Variants in LGR5 observed in about 807,000 individuals in gnomAD.
The protein encoded by LGR5 is leucine rich repeat containing G protein-coupled receptor 5.
Under a neutral mutation model 76.7 loss-of-function variants are expected in LGR5, and 54 were observed. The ratio of observed to expected loss-of-function variants is 0.70; its 90% CI spans 0.57 to 0.88. The LOEUF is 0.88. LGR5 is among the 40% of genes least tolerant of loss of function. The probability of loss-of-function intolerance (pLI) is 0.00; values close to 1 mark genes in which losing one functional copy is unlikely to be tolerated. For missense variants in LGR5, 1,078 were observed against 1,073.3 expected, an observed-to-expected ratio of 1.00 and a Z score of -0.06; for synonymous variants, 406 against 421.9, an observed-to-expected ratio of 0.96 and a Z score of 0.46.
chr12:71,549,180 T>G (rs1454397867), intron 4 of LGR5, among the ~76,000 whole-genome samples: 1 of 152,236 alleles, frequency 6.6e-6, no homozygotes, highest in Admixed American at 6.5e-5. Context: ...GAACCACCTG[T>G]GTGAGTGACT....
chr12:71,487,216 G>A (rs1352471405), intron 1 of LGR5, among the ~76,000 whole-genome samples: 1 of 152,066 alleles, frequency 6.6e-6, no homozygotes, highest in African/African-American at 2.4e-5. Context: ...ATTAGAATAG[G>A]AACAAAAATA....
chr12:71,501,145 T>A, intron 1 of LGR5, among the ~76,000 whole-genome samples: 1 of 152,188 alleles, frequency 6.6e-6, no homozygotes, highest in East Asian at 1.9e-4. Context: ...GCTTGGAAAT[T>A]ATTTTAAGAC....
intron 15 of LGR5, 89 bp from the exon 16 acceptor site, chr12:71,580,189 G>A: frequency 8.0e-7 from 1 of 1,252,024 alleles, no homozygotes; most frequent in South Asian, 1.5e-5. Flanking sequence ...AAAATCCAAA[G>A]GTAGAATAAT....
intron 1 of LGR5, among the ~76,000 whole-genome samples, chr12:71,451,032 G>A (rs1460422994): frequency 6.6e-6 from 1 of 152,092 alleles, no homozygotes; most frequent in Non-Finnish European, 1.5e-5. Context: ...AAAACCTTAG[G>A]CAAATTAAAC....
rs560986117 is a variant in LGR5, at chr12:71,584,299, T to C, written c.2289T>C (p.Ser763=). ...ACCTGGAGAATATTTGGGACTGCTC[T>C]ATGGTAAAACACATTGCCCTGTTGC... ...KGDLENIWDC[S]MVKHIALLLF... Residue 763 remains serine, a synonymous_variant, in exon 18 of 18, where the codon TCT becomes TCC. Transcript: ENST00000266674. The C allele has an allele frequency of 1.2e-6, 2 of 1,614,220 alleles. No homozygotes were observed. The highest frequency in any genetic ancestry group is 2.7e-5 in the African/African-American group (2 of 75,054).
intron 1 of LGR5, among the ~76,000 whole-genome samples, chr12:71,490,385 T>C (rs56745322): frequency 0.023 from 3,476 of 152,250 alleles, 136 homozygotes; most frequent in African/African-American, 0.079. Flanking sequence ...TAAATCAGTG[T>C]GAGGGGTCAA....
At chr12:71,480,768 A>G (rs1873562468) in intron 1 of LGR5, among the ~76,000 whole-genome samples, 1 of 152,176 alleles carries the variant, frequency 6.6e-6, no homozygotes, top group Non-Finnish European at 1.5e-5. Flanking sequence ...CCTTTCAAGT[A>G]TCAGATGCTG....
chr12:71,571,723 C>G (rs1878619341), intron 12 of LGR5, 144 bp downstream of exon 12: 1 of 599,782 alleles, frequency 1.7e-6, no homozygotes, highest in Admixed American at 3.1e-5. Context: ...TGTGACTGTG[C>G]AGTGTGCTTA....
chr12:71,535,237 G>A (rs1382506402), intron 4 of LGR5, 51 bp downstream of exon 4: 1 of 1,232,364 alleles, frequency 8.1e-7, no homozygotes, highest in Non-Finnish European at 1.2e-6. Context: ...TTGGGAAGAA[G>A]CATTGAAATG....
intron 1 of LGR5, among the ~76,000 whole-genome samples, chr12:71,446,169 G>C (rs140477272): frequency 6.6e-6 from 1 of 152,172 alleles, no homozygotes; most frequent in African/African-American, 2.4e-5. Context: ...AATCCCAGTG[G>C]CTAATAGGAG....
At position 71,455,949 on chromosome 12, in the gene LGR5, C is replaced by T. The variant is rs184476490; in HGVS notation, c.212+15657C>T. 3.0e-3 allele frequency among the ~76,000 whole-genome samples: 462 copies of T among 151,848 alleles called. 2 individuals are homozygous for T. The highest frequency in any genetic ancestry group is 0.011 in the African/African-American group (441 of 41,400). ...ACTGAGAGATTTATGTAATAAATAA[C>T]CATAGTAAATAGAGTATTGACAAAT... On this transcript the variant is annotated intron_variant, in intron 1 of 17. Transcript: ENST00000266674.
At chr12:71,565,747 A>G (rs1452180699) in intron 8 of LGR5, among the ~76,000 whole-genome samples, 1 of 151,762 alleles carries the variant, frequency 6.6e-6, no homozygotes, top group Non-Finnish European at 1.5e-5. Context: ...GTTGAGTTTA[A>G]TTGGACTAGA....
intron 3 of LGR5, among the ~76,000 whole-genome samples, chr12:71,527,762 A>G (rs11837960): frequency 0.14 from 21,812 of 152,156 alleles, 1,672 homozygotes; most frequent in Middle Eastern, 0.21. Flanking sequence ...ATTTTTGGAG[A>G]GGACAAAAAC....
intron 13 of LGR5, among the ~76,000 whole-genome samples, chr12:71,573,912 T>C (rs1233913232): frequency 1.5e-4 from 2 of 13,070 alleles, no homozygotes; most frequent in East Asian, 0.062. Context: ...GTGCTTTTAC[T>C]TAAAAAAAAA....
intron 2 of LGR5, among the ~76,000 whole-genome samples, chr12:71,507,203 A>C (rs960300879): frequency 6.6e-6 from 1 of 152,204 alleles, no homozygotes; most frequent in Non-Finnish European, 1.5e-5. Flanking sequence ...TGGAGTTGGT[A>C]TGTATCAGAG....
chr12:71,442,879 C>G (rs1247483506), intron 1 of LGR5, among the ~76,000 whole-genome samples: 1 of 152,092 alleles, frequency 6.6e-6, no homozygotes, highest in Non-Finnish European at 1.5e-5. Flanking sequence ...AGTATGTGTT[C>G]TACTGATTTT....
At chr12:71,491,552 T>C (rs1349187855) in intron 1 of LGR5, among the ~76,000 whole-genome samples, 2 of 151,978 alleles carry the variant, frequency 1.3e-5, no homozygotes, top group Non-Finnish European at 2.9e-5. Flanking sequence ...GACAGAGTTT[T>C]ATCTGGTAGA....
At chr12:71,499,643 C>A (rs1322657403) in intron 1 of LGR5, among the ~76,000 whole-genome samples, 1 of 152,138 alleles carries the variant, frequency 6.6e-6, no homozygotes, top group African/African-American at 2.4e-5. Flanking sequence ...AGGTTGTATC[C>A]TGCACAGAGT....
intron 2 of LGR5, among the ~76,000 whole-genome samples, chr12:71,516,581 A>G (rs1246427303): frequency 1.7e-5 from 2 of 116,712 alleles, no homozygotes; most frequent in Non-Finnish European, 3.5e-5. Context: ...CCTATATACA[A>G]TTGCTTTGCT....
Sources: allele counts gnomAD v4.1 joint callset (sites outside exome capture counted in the v4.1 genomes callset), GRCh38; gene constraint gnomAD v4.1.1; transcripts MANE v1.5; gene names NCBI Gene and HGNC (gene_info 2026-07-23, HGNC 2026-07-21).